Variants in THYN1 observed in about 807,000 individuals in gnomAD.
THYN1 encodes thymocyte nuclear protein 1.
In THYN1, 32 loss-of-function variants were observed where a neutral mutation model predicts 30.6. The ratio of observed to expected loss-of-function variants is 1.05; its 90% CI spans 0.79 to 1.40. THYN1 has a LOEUF of 1.40. Among genes scored for constraint, THYN1 ranks in the 40% most tolerant of loss-of-function variants. The pLI is 0.00. For synonymous variants in THYN1, 107 were observed against 90.8 expected (o/e 1.18, Z -1.01); for missense variants, 259 against 272.6 (o/e 0.95, Z 0.35).
In THYN1 at chr11:134,248,327, G is replaced by C. The variant is rs751241445; in HGVS notation, c.*111C>G. ...GAAAAAAGTACACAAAAACCACTGA[G>C]GTACACAAGCCCAGGTAAGCATACC... On this transcript the variant is annotated 3_prime_UTR_variant, in exon 7 of 7. Transcript: ENST00000341541. 1 of 1,216,070 alleles carries C rather than the reference G, an allele frequency of 8.2e-7. No individual in the cohort carries two copies. The highest frequency in any genetic ancestry group is 1.2e-5 in the South Asian group (1 of 83,020). 75.3% of individuals were successfully genotyped at this position (1,216,070 alleles called of 1,614,324 possible). A position where few individuals can be genotyped will look rare whatever the true frequency, so the allele number is the denominator to read the frequency against.
intron 2 of THYN1, 28 bp from the exon 3 acceptor site, chr11:134,250,371 T>G: frequency 6.2e-7 from 1 of 1,613,732 alleles, no homozygotes; most frequent in South Asian, 1.1e-5. Context: ...AATTCAATCA[T>G]TAAACAATCC....
In THYN1 at chr11:134,248,287, C is replaced by T. The variant is rs544990056; in HGVS notation, c.*151G>A. ...TGGTTTTAGAAGAAAAGTTCTTCAA[C>T]TTTGATATTTTATTGAAAAAAGTAC... On this transcript the variant is annotated 3_prime_UTR_variant, in exon 7 of 7. Transcript: ENST00000341541. 5 of 953,798 alleles carry T rather than the reference C, an allele frequency of 5.2e-6. No individual in the cohort carries two copies. In the East Asian group the frequency reaches 1.2e-4, roughly 23 times the overall value. 59.1% of individuals were successfully genotyped at this position (953,798 alleles called of 1,614,324 possible).
Position 134,248,966 on chromosome 11 carries a change from G to A in THYN1, c.481-7C>T. 1.2e-6 allele frequency: 2 copies of A among 1,614,174 alleles called. No homozygotes were observed. The highest frequency in any genetic ancestry group is 8.5e-7 in the Non-Finnish European group (1 of 1,180,024). ...GAACAAACTGTACATCCACCTATGT[G>A]ACAACAGTGTACATGACAGAAAGAC... On this transcript the variant is annotated splice_polypyrimidine_tract_variant and splice_region_variant and intron_variant, in intron 5 of 6. Transcript: ENST00000341541.
At position 134,253,296 on chromosome 11, in the gene THYN1, G is replaced by A; in HGVS notation, c.-414C>T. The A allele has an allele frequency of 1.4e-6, 2 of 1,382,838 alleles. No homozygotes were observed. The highest frequency in any genetic ancestry group is 2.9e-5 in the East Asian group (1 of 35,056). 85.7% of individuals were successfully genotyped at this position (1,382,838 alleles called of 1,614,324 possible). A position where few individuals can be genotyped will look rare whatever the true frequency, so the allele number is the denominator to read the frequency against. On this transcript the variant is annotated 5_prime_UTR_variant, in exon 1 of 7. Coordinates refer to ENST00000341541, the MANE Select transcript of THYN1 (RefSeq NM_014174.3). ...ATGATGAAGTAATTTGCTGGCTACA[G>A]ACCCAACACTCTGCAGACTCGACTG...
intron 4 of THYN1, 136 bp downstream of exon 4, chr11:134,249,692 C>A: frequency 1.2e-6 from 1 of 869,156 alleles, no homozygotes; most frequent in East Asian, 2.5e-5. Flanking sequence ...GCAGTTTTTC[C>A]CTATTCCTGT....
At position 134,253,150 on chromosome 11, in the gene THYN1, T is replaced by C; in HGVS notation, c.-268A>G. The stretch of plus-strand genomic sequence containing the variant: ...GGTCCTTCTCATCCAGGAACCCCTA[T>C]CTCAGTATGTAGTTCACTGGGAAGT... On this transcript the variant is annotated 5_prime_UTR_variant, in exon 1 of 7. Transcript: ENST00000341541. 7.4e-7 allele frequency: 1 copy of C among 1,349,952 alleles called. No homozygotes were observed. The highest frequency in any genetic ancestry group is 9.5e-7 in the Non-Finnish European group (1 of 1,055,944). The allele number at this position is 1,349,952 out of a possible 1,614,324, so 83.6% of individuals were successfully genotyped here. A position where few individuals can be genotyped will look rare whatever the true frequency, so the allele number is the denominator to read the frequency against.
Position 134,250,040 on chromosome 11 carries a change from T to C in THYN1, c.292-120A>G. ...TCTTGTCTGCAACTCCTCAATTCAT[T>C]AGAAAGTCCTTCCCCTTTGCCAGGA... On this transcript the variant is annotated intron_variant, in intron 3 of 6. Coordinates refer to ENST00000341541, the MANE Select transcript of THYN1 (RefSeq NM_014174.3). The C allele has an allele frequency of 9.3e-6, 10 of 1,073,770 alleles. No individual in the cohort carries two copies. The South Asian group carries it at 1.4e-4, about 15-fold the overall frequency. The allele number at this position is 1,073,770 out of a possible 1,614,324, so 66.5% of individuals were successfully genotyped here. A position where few individuals can be genotyped will look rare whatever the true frequency, so the allele number is the denominator to read the frequency against.
chr11:134,248,633 A>G (rs1323604359), intron 6 of THYN1, 149 bp from the exon 7 acceptor site: 5 of 1,312,726 alleles, frequency 3.8e-6, no homozygotes, highest in Non-Finnish European at 5.3e-6. Context: ...AGCACTATAG[A>G]GTACTGGGTA....
rs1253861707 is a variant in THYN1, at chr11:134,253,307, C to T, written c.-425G>A. 5.7e-6 allele frequency: 8 copies of T among 1,393,496 alleles called. No individual in the cohort carries two copies. The Admixed American group carries it at 1.8e-4, about 32-fold the overall frequency. 86.3% of individuals were successfully genotyped at this position (1,393,496 alleles called of 1,614,324 possible). A position where few individuals can be genotyped will look rare whatever the true frequency, so the allele number is the denominator to read the frequency against. On this transcript the variant is annotated 5_prime_UTR_variant, in exon 1 of 7. Coordinates refer to ENST00000341541, the MANE Select transcript of THYN1 (RefSeq NM_014174.3). ...ATTTGCTGGCTACAGACCCAACACT[C>T]TGCAGACTCGACTGCGGTCCGCCTC...
At position 134,253,223 on chromosome 11, in the gene THYN1, T is replaced by C. The variant is rs928301744; in HGVS notation, c.-341A>G. Reference sequence around the variant, plus strand: ...TGGGTGAATATAAGTAAGCCTTGTGTTACCTTGTTATCCTTGCTAATTAGG... The same window carrying C: ...TGGGTGAATATAAGTAAGCCTTGTGCTACCTTGTTATCCTTGCTAATTAGG... On this transcript the variant is annotated 5_prime_UTR_variant, in exon 1 of 7. Transcript: ENST00000341541. The C allele has an allele frequency of 2.3e-5, 30 of 1,320,578 alleles. No homozygotes were observed. The highest frequency in any genetic ancestry group is 2.3e-5 in the Non-Finnish European group (24 of 1,036,572). The allele number at this position is 1,320,578 out of a possible 1,614,324, so 81.8% of individuals were successfully genotyped here. A position where few individuals can be genotyped will look rare whatever the true frequency, so the allele number is the denominator to read the frequency against.
chr11:134,250,165 C>T, intron 3 of THYN1, 110 bp downstream of exon 3: 1 of 1,288,646 alleles, frequency 7.8e-7, no homozygotes. Context: ...AGGTTTGCTT[C>T]TGAGAAAAAG....
intron 6 of THYN1, 117 bp from the exon 7 acceptor site, chr11:134,248,601 C>T: frequency 7.0e-7 from 1 of 1,426,870 alleles, no homozygotes; most frequent in African/African-American, 1.4e-5. Context: ...GTCATTCGTT[C>T]AAAACTATTT....
rs766007304 is a variant in THYN1 at position 134,248,323 on chromosome 11, C to A, written c.*115G>T. On this transcript the variant is annotated 3_prime_UTR_variant, in exon 7 of 7. Coordinates refer to ENST00000341541, the MANE Select transcript of THYN1 (RefSeq NM_014174.3). Reference sequence around the variant, plus strand: ...TATTGAAAAAAGTACACAAAAACCACTGAGGTACACAAGCCCAGGTAAGCA... The same window carrying A: ...TATTGAAAAAAGTACACAAAAACCAATGAGGTACACAAGCCCAGGTAAGCA... 3.4e-6 allele frequency: 4 copies of A among 1,186,162 alleles called. No individual in the cohort carries two copies. The East Asian group carries it at 9.3e-5, about 28-fold the overall frequency. 73.5% of individuals were successfully genotyped at this position (1,186,162 alleles called of 1,614,324 possible).
rs774332980 is a variant in THYN1, at chr11:134,249,165, A to T, written c.480+2T>A. On this transcript the variant is annotated splice_donor_variant, in intron 5 of 6. Coordinates refer to ENST00000341541, the MANE Select transcript of THYN1 (RefSeq NM_014174.3). LOFTEE classifies it high-confidence loss of function. Reference sequence around the variant, plus strand: ...TCATGAAATAGAAAGCATAGTCTTTACCATGGACCACTTAGGGTTGTCCTC... The same window carrying T: ...TCATGAAATAGAAAGCATAGTCTTTTCCATGGACCACTTAGGGTTGTCCTC... 1.9e-6 allele frequency: 3 copies of T among 1,611,326 alleles called. No individual in the cohort carries two copies. Among genetic ancestry groups the T allele is most frequent in the Admixed American group, 3.4e-5 (2 of 59,568 alleles).
chr11:134,250,244 G>C (rs756043180), intron 3 of THYN1, 31 bp downstream of exon 3: 12 of 1,612,932 alleles, frequency 7.4e-6, no homozygotes, highest in Non-Finnish European at 1.0e-5. Flanking sequence ...TCCCACCTGG[G>C]TCTCAGGCGA....
At position 134,251,203 on chromosome 11, in the gene THYN1, A is replaced by C; in HGVS notation, c.149T>G (p.Leu50Trp). The C allele has an allele frequency of 6.2e-7, 1 of 1,613,870 alleles. No homozygotes were observed. Among genetic ancestry groups the C allele is most frequent in the Non-Finnish European group, 8.5e-7 (1 of 1,179,988 alleles). The change falls in exon 2 of 7, where the codon TTG (leucine) becomes TGG (tryptophan). Residue 50 changes from leucine (L) to tryptophan (W), a missense_variant. By Grantham distance (61) the Leu-to-Trp change is moderately conservative (BLOSUM62 -2). Transcript: ENST00000341541. The part of the protein sequence containing the change: ...PQKTSATKNC[L>W]KNLSSHWLMK... The stretch of plus-strand genomic sequence containing the variant: ...CAGCCAGTGGCTGCTTAGATTCTTC[A>C]AACAGTTTTTAGTGGCTGAAGTCTT...
Position 134,251,319 on chromosome 11 carries a change from A to G in THYN1, c.44-11T>C. 6.3e-7 allele frequency: 1 copy of G among 1,595,978 alleles called. No homozygotes were observed. Among genetic ancestry groups the G allele is most frequent in the Non-Finnish European group, 8.5e-7 (1 of 1,173,340 alleles). On this transcript the variant is annotated splice_polypyrimidine_tract_variant and intron_variant, in intron 1 of 6. Coordinates refer to ENST00000341541, the MANE Select transcript of THYN1 (RefSeq NM_014174.3). ...CTGATAGTCCCTTGTCTGCAATAGG[A>G]GAAGCAAAAAGAAAAGATCATGCTT...
chr11:134,249,109 C>A lies in THYN1; in HGVS notation c.480+58G>T, dbSNP rs780751551. The stretch of plus-strand genomic sequence containing the variant: ...TACCTTGACCTACAGTCACCCCAAC[C>A]GTCTTCTTCCCCTGGTTCATCCTTC... On this transcript the variant is annotated intron_variant, in intron 5 of 6. Transcript: ENST00000341541. The A allele has an allele frequency of 2.5e-6, 4 of 1,572,480 alleles. No individual in the cohort carries two copies. The African/African-American group carries it at 5.4e-5, about 21-fold the overall frequency.
At chr11:134,251,486 C>T (rs999559230) in intron 1 of THYN1, 178 bp from the exon 2 acceptor site, 1 of 682,294 alleles carries the variant, frequency 1.5e-6, no homozygotes, top group Non-Finnish European at 2.4e-6. Flanking sequence ...ACAAGAATAC[C>T]TACCTTACAG....
Sources: allele counts gnomAD v4.1 joint callset, GRCh38; gene constraint gnomAD v4.1.1; transcripts MANE v1.5; gene names NCBI Gene and HGNC (gene_info 2026-07-23, HGNC 2026-07-21).